Variants in FHL1 observed in about 807,000 individuals in gnomAD.
FHL1 encodes four and a half LIM domains protein 1.
Under a neutral mutation model 20.3 loss-of-function variants are expected in FHL1, and 1 was observed. The ratio of observed to expected loss-of-function variants is 0.05; its 90% CI spans 0.02 to 0.23. The LOEUF (loss-of-function observed/expected upper bound fraction) is 0.23. FHL1 is among the 10% of genes least tolerant of loss of function. The pLI is 1.00. For missense variants in FHL1, 177 were observed against 234.0 expected, an observed-to-expected ratio of 0.76 and a Z score of 1.59; for synonymous variants, 82 against 88.9, an observed-to-expected ratio of 0.92 and a Z score of 0.44.
chrX:136,179,867 G>A (rs1225691372), intron 2 of FHL1, among the ~76,000 whole-genome samples: 1 of 111,446 alleles, frequency 9.0e-6, no homozygotes, highest in Non-Finnish European at 1.9e-5. Context: ...ATTATACAGT[G>A]AACGCTCCTA....
At chrX:136,197,668 T>C (rs1185867747) in intron 1 of FHL1, among the ~76,000 whole-genome samples, 1 of 112,922 alleles carries the variant, frequency 8.9e-6, no homozygotes, top group Admixed American at 9.3e-5. Context: ...AAGTATGTTA[T>C]TAATTGTTTT....
chrX:136,189,335 G>A (rs2073381544), intron 2 of FHL1, among the ~76,000 whole-genome samples: 1 of 111,578 alleles, frequency 9.0e-6, no homozygotes, highest in African/African-American at 3.3e-5. Context: ...GTCCACAGCT[G>A]TCTCCACTGG....
intron 1 of FHL1, among the ~76,000 whole-genome samples, chrX:136,150,576 C>A (rs1271699599): frequency 1.8e-5 from 2 of 112,021 alleles, no homozygotes; most frequent in Non-Finnish European, 1.9e-5. Flanking sequence ...CTTAAAAGAT[C>A]TTTTCTTTTA....
chrX:136,148,974 C>T (rs891130283), intron 1 of FHL1, among the ~76,000 whole-genome samples: 5 of 112,352 alleles, frequency 4.5e-5, no homozygotes, highest in Non-Finnish European at 5.6e-5. Flanking sequence ...TCGGGATTAT[C>T]CGAGCCCCCT....
chrX:136,188,785 T>C (rs2073368053), intron 2 of FHL1, among the ~76,000 whole-genome samples: 2 of 110,751 alleles, frequency 1.8e-5, no homozygotes, highest in South Asian at 7.8e-4. Flanking sequence ...GGGTAGATGG[T>C]GCATATTTTG....
At chrX:136,169,325 C>T (rs2072796077), upstream of FHL1, 1 of 139,728 alleles carries the variant, frequency 7.2e-6, no homozygotes, top group Non-Finnish European at 1.4e-5. Context: ...GCAGAACCCT[C>T]GTCCTGGGAT....
chrX:136,162,980 CT>C (rs1225302710), intron 1 of FHL1, among the ~76,000 whole-genome samples: 1 of 112,389 alleles, frequency 8.9e-6, no homozygotes, highest in East Asian at 2.8e-4. Flanking sequence ...CAAGATGACA[CT>C]TTAGTTCTCC....
chrX:136,165,628 G>A (rs1381259912), upstream of FHL1, among the ~76,000 whole-genome samples: 1 of 112,147 alleles, frequency 8.9e-6, no homozygotes, highest in Non-Finnish European at 1.9e-5. Context: ...GAATTGAGAG[G>A]AGACAATGAG....
chrX:136,175,255 A>C (rs1167482094), intron 2 of FHL1, among the ~76,000 whole-genome samples: 4 of 112,739 alleles, frequency 3.5e-5, no homozygotes, highest in Non-Finnish European at 7.5e-5. Flanking sequence ...AAAGATAAGC[A>C]TATTTGAACG....
intron 2 of FHL1, among the ~76,000 whole-genome samples, chrX:136,186,993 C>G (rs937044345): frequency 7.2e-5 from 8 of 110,390 alleles, no homozygotes; most frequent in Non-Finnish European, 1.5e-4. Flanking sequence ...CAATTGGATA[C>G]TATGTACATG....
upstream of FHL1, among the ~76,000 whole-genome samples, chrX:136,194,100 C>T (rs1008436527): frequency 2.7e-5 from 3 of 111,253 alleles, no homozygotes; most frequent in Non-Finnish European, 3.8e-5. Context: ...GGTCAAATGC[C>T]GTGACATCCA....
At chrX:136,148,753 C>G (rs1411860009) in intron 1 of FHL1, 1 of 111,780 alleles carries the variant, frequency 8.9e-6, no homozygotes, top group African/African-American at 3.3e-5. Flanking sequence ...TTTTGATTGC[C>G]TTTTACAATA....
upstream of FHL1, among the ~76,000 whole-genome samples, chrX:136,194,765 C>T (rs147620979): frequency 1.5e-3 from 165 of 112,126 alleles, no homozygotes; most frequent in African/African-American, 5.1e-3. Flanking sequence ...AGCCACTGAT[C>T]CAAGACAGGA....
At chrX:136,185,003 G>A (rs2073252237) in intron 2 of FHL1, among the ~76,000 whole-genome samples, 1 of 111,862 alleles carries the variant, frequency 8.9e-6, no homozygotes, top group Admixed American at 9.5e-5. Flanking sequence ...TAAGTCTAGT[G>A]TGCTTTCCTT....
At chrX:136,191,681 T>C (rs2073435087) in intron 2 of FHL1, among the ~76,000 whole-genome samples, 1 of 112,612 alleles carries the variant, frequency 8.9e-6, no homozygotes, top group Non-Finnish European at 1.9e-5. Flanking sequence ...CGTATGTTAC[T>C]AGCCTTGATG....
upstream of FHL1, among the ~76,000 whole-genome samples, chrX:136,165,357 A>C (rs2072684299): frequency 8.9e-6 from 1 of 112,150 alleles, no homozygotes; most frequent in Admixed American, 9.5e-5. Context: ...TGGCTACCTC[A>C]GTTGTATTTA....
chrX:136,180,277 A>G (rs1412687746), intron 2 of FHL1, among the ~76,000 whole-genome samples: 1 of 112,287 alleles, frequency 8.9e-6, no homozygotes, highest in Non-Finnish European at 1.9e-5. Context: ...AGCCTAGGAA[A>G]TGCAGTTGAG....
chrX:136,177,588 A>G (rs1003626073), intron 2 of FHL1, among the ~76,000 whole-genome samples: 6 of 112,237 alleles, frequency 5.3e-5, no homozygotes, highest in African/African-American at 1.9e-4. Flanking sequence ...ATAAGCTCAC[A>G]TGTGAATTTT....
At chrX:136,204,113 A>T (rs761956603) in intron 1 of FHL1, among the ~76,000 whole-genome samples, 1 of 112,951 alleles carries the variant, frequency 8.9e-6, no homozygotes, top group East Asian at 2.8e-4. Flanking sequence ...GTTACTAGCC[A>T]TGCAGGAAGC....
Sources: gnomAD v4.1 joint callset for allele counts (sites outside exome capture counted in the v4.1 genomes callset) on GRCh38, gnomAD v4.1.1 for gene constraint, MANE v1.5 for transcripts, NCBI Gene and HGNC (gene_info 2026-07-23, HGNC 2026-07-21) for gene names.